GMDS: variants seen among roughly 807,000 people sequenced by gnomAD.
GMDS encodes the protein GDP-mannose 4,6-dehydratase, also known as GDP-mannose 4,6 dehydratase.
In GMDS, 20 loss-of-function variants were observed where a neutral mutation model predicts 49.9. That is an observed-to-expected ratio of 0.40 (90% CI 0.28 to 0.58). GMDS has a LOEUF of 0.58. Among genes scored for constraint, GMDS ranks in the 20% least tolerant of loss-of-function variants. The pLI is 0.42. For synonymous variants in GMDS, 177 were observed against 178.6 expected, an observed-to-expected ratio of 0.99 and a Z score of 0.07; for missense variants, 362 against 481.4, an observed-to-expected ratio of 0.75 and a Z score of 2.32.
At chr6:1,777,742 G>A (rs1279371554) in intron 7 of GMDS, among the ~76,000 whole-genome samples, 2 of 152,288 alleles carry the variant, frequency 1.3e-5, no homozygotes, top group Non-Finnish European at 2.9e-5. Context: ...TTTCTTCTTC[G>A]GGGGATGGAG....
chr6:2,126,703 T>C (rs1329923343), intron 1 of GMDS, among the ~76,000 whole-genome samples: 1 of 152,174 alleles, frequency 6.6e-6, no homozygotes, highest in Non-Finnish European at 1.5e-5. Context: ...GCTGTTATCG[T>C]GGCTCACTGC....
intron 1 of GMDS, chr6:2,175,869 A>C (rs1232949185): frequency 1.2e-6 from 1 of 834,396 alleles, no homozygotes; most frequent in South Asian, 1.4e-5. Flanking sequence ...CCACATAAAC[A>C]GCCCTATCAG....
At chr6:1,964,109 C>T (rs1764125149) in intron 4 of GMDS, among the ~76,000 whole-genome samples, 1 of 152,186 alleles carries the variant, frequency 6.6e-6, no homozygotes, top group Non-Finnish European at 1.5e-5. Flanking sequence ...AAACAATTGC[C>T]TACGCTTTCC....
intron 4 of GMDS, among the ~76,000 whole-genome samples, chr6:2,065,861 A>T (rs1226336272): frequency 6.6e-6 from 1 of 152,248 alleles, no homozygotes; most frequent in Non-Finnish European, 1.5e-5. Context: ...GATATTATCC[A>T]GAAGAACTTC....
chr6:2,025,487 T>C (rs1333243328), intron 4 of GMDS, among the ~76,000 whole-genome samples: 2 of 150,768 alleles, frequency 1.3e-5, no homozygotes, highest in African/African-American at 4.9e-5. Context: ...TTAGAACCAA[T>C]ACACATGCAC....
intron 4 of GMDS, among the ~76,000 whole-genome samples, chr6:2,115,132 A>G (rs1774771470): frequency 1.3e-5 from 2 of 152,178 alleles, no homozygotes; most frequent in Admixed American, 1.3e-4. Flanking sequence ...TCATGTGAGC[A>G]GGAGGACACG....
chr6:1,974,087 G>T (rs967737343), intron 4 of GMDS, among the ~76,000 whole-genome samples: 4 of 151,626 alleles, frequency 2.6e-5, no homozygotes, highest in African/African-American at 9.7e-5. Context: ...TCCTCACCTC[G>T]ATTTCTCTTG....
intron 9 of GMDS, among the ~76,000 whole-genome samples, chr6:1,653,619 T>C (rs1188389882): frequency 6.6e-6 from 1 of 152,130 alleles, no homozygotes; most frequent in Non-Finnish European, 1.5e-5. Context: ...ATACGAAGGA[T>C]GGAACAGAAA....
At chr6:2,119,601 T>A (rs1414120659) in intron 2 of GMDS, among the ~76,000 whole-genome samples, 1 of 152,192 alleles carries the variant, frequency 6.6e-6, no homozygotes, top group Non-Finnish European at 1.5e-5. Context: ...AGTTAAGAAT[T>A]TGAGATTAGC....
intron 4 of GMDS, among the ~76,000 whole-genome samples, chr6:1,990,719 C>A (rs1325263235): frequency 6.7e-6 from 1 of 149,746 alleles, no homozygotes; most frequent in Non-Finnish European, 1.5e-5. Context: ...GGACTACAGG[C>A]GCAGATCAGC....
At chr6:1,789,525 CTTTTTTCTT>C (rs763953501) in intron 7 of GMDS, among the ~76,000 whole-genome samples, 22 of 112,764 alleles carry the variant, frequency 2.0e-4, no homozygotes, top group Non-Finnish European at 3.0e-4. Flanking sequence ...TTTTCTTTTT[CTTTTTTCTT>C]TTTTTTTTTT....
intron 1 of GMDS, among the ~76,000 whole-genome samples, chr6:2,239,329 C>CAAAA (rs60419938): frequency 9.9e-6 from 1 of 101,076 alleles, no homozygotes; most frequent in Non-Finnish European, 2.2e-5. Flanking sequence ...AGATCTGTCT[C>CAAAA]AAAAAAAAAA....
chr6:2,094,787 C>CGGAA (rs2127479757), intron 4 of GMDS, among the ~76,000 whole-genome samples: 1 of 152,210 alleles, frequency 6.6e-6, no homozygotes, highest in South Asian at 2.1e-4. Flanking sequence ...GGCAGTCATA[C>CGGAA]GGAAGCACAC....
intron 4 of GMDS, among the ~76,000 whole-genome samples, chr6:1,966,507 T>C (rs1351721237): frequency 6.6e-6 from 1 of 152,192 alleles, no homozygotes; most frequent in Non-Finnish European, 1.5e-5. Context: ...CCAGGCTCTT[T>C]CTTGTGCCAG....
intron 9 of GMDS, among the ~76,000 whole-genome samples, chr6:1,628,854 C>CT (rs1214696408): frequency 2.0e-5 from 3 of 152,280 alleles, no homozygotes; most frequent in Non-Finnish European, 2.9e-5. Context: ...GCTTAATATT[C>CT]TTTTTTTCCC....
intron 4 of GMDS, among the ~76,000 whole-genome samples, chr6:1,987,006 G>T (rs141663739): frequency 6.6e-6 from 1 of 152,272 alleles, no homozygotes; most frequent in East Asian, 1.9e-4. Flanking sequence ...CAGTAGTTGA[G>T]CCAGAAGAGG....
At chr6:2,016,369 G>T (rs892025340) in intron 4 of GMDS, among the ~76,000 whole-genome samples, 11 of 151,796 alleles carry the variant, frequency 7.2e-5, no homozygotes, top group African/African-American at 2.7e-4. Flanking sequence ...GGAAGCTATC[G>T]CAATAAAAAA....
At chr6:1,842,211 C>T (rs1234511840) in intron 7 of GMDS, among the ~76,000 whole-genome samples, 5 of 152,202 alleles carry the variant, frequency 3.3e-5, no homozygotes, top group Non-Finnish European at 7.3e-5. Context: ...TCCCCTCCTC[C>T]AAAAAGTCTT....
chr6:1,875,363 A>T (rs1758987159), intron 7 of GMDS, among the ~76,000 whole-genome samples: 1 of 151,810 alleles, frequency 6.6e-6, no homozygotes, highest in Non-Finnish European at 1.5e-5. Context: ...GACTGGAAAG[A>T]TATGTATCAA....
Sources: allele counts gnomAD v4.1 joint callset (sites outside exome capture counted in the v4.1 genomes callset), GRCh38; gene constraint gnomAD v4.1.1; transcripts MANE v1.5; gene names NCBI Gene and HGNC (gene_info 2026-07-23, HGNC 2026-07-21).